PTGER3: variants seen among roughly 807,000 people sequenced by gnomAD.
PTGER3 encodes the protein prostaglandin E2 receptor EP3 subtype.
PTGER3 carries 22 observed loss-of-function variants against 34.7 expected under a neutral mutation model. The observed-to-expected ratio is 0.63, with a 90% confidence interval of 0.45 to 0.91. The LOEUF is 0.91. Among genes scored for constraint, PTGER3 ranks in the 40% least tolerant of loss-of-function variants. The probability of loss-of-function intolerance (pLI) is 0.00; values close to 1 mark genes in which losing one functional copy is unlikely to be tolerated. For synonymous variants in PTGER3, 241 were observed against 230.1 expected (o/e 1.05, Z -0.43); for missense variants, 468 against 519.4 (o/e 0.90, Z 0.96).
In PTGER3 at chr1:70,902,983, A is replaced by G. The variant is rs113775784; in HGVS notation, c.*24-50124T>C. On this transcript the variant is annotated intron_variant, in intron 4 of 4. Coordinates refer to the PTGER3 transcript ENST00000370931. Reference sequence around the variant, plus strand: ...ATTTGGAAAAAGAAACTTTGCATATATAATAGTTAAGATCTTGAGATGAAA... The same window carrying G: ...ATTTGGAAAAAGAAACTTTGCATATGTAATAGTTAAGATCTTGAGATGAAA... Among the ~76,000 whole-genome samples the G allele has an allele frequency of 9.1e-3, 1,391 of 152,314 alleles. 21 individuals carry two copies. The highest frequency in any genetic ancestry group is 0.032 in the African/African-American group (1,329 of 41,550).
intron 4 of PTGER3, among the ~76,000 whole-genome samples, chr1:70,941,020 A>G (rs1649710155): frequency 1.3e-5 from 2 of 152,222 alleles, no homozygotes; most frequent in African/African-American, 4.8e-5. Context: ...GTTATTTGCC[A>G]GCAAGATAGT....
At chr1:71,010,985 T>C (rs573535713) in intron 2 of PTGER3, 60 of 985,618 alleles carry the variant, frequency 6.1e-5, no homozygotes, top group Admixed American at 2.5e-4. Context: ...CAAATGAAAA[T>C]CTTCACAATA....
chr1:70,983,935 G>T (rs554086341), intron 2 of PTGER3, among the ~76,000 whole-genome samples: 1 of 152,104 alleles, frequency 6.6e-6, no homozygotes, highest in African/African-American at 2.4e-5. Flanking sequence ...TTCCTGAAAG[G>T]TCCTAGTCCC....
chr1:71,046,546 C>A (rs904803068), intron 1 of PTGER3, 135 bp downstream of exon 1: 2 of 1,108,588 alleles, frequency 1.8e-6, no homozygotes, highest in East Asian at 5.4e-5. Flanking sequence ...CAAGACCGCG[C>A]GGGCAGGAGG....
intron 4 of PTGER3, among the ~76,000 whole-genome samples, chr1:70,900,875 C>T (rs1039961539): frequency 5.9e-5 from 9 of 151,836 alleles, no homozygotes; most frequent in African/African-American, 1.7e-4. Context: ...CAGTGAGGGT[C>T]GGGACTTGAT....
intron 4 of PTGER3, among the ~76,000 whole-genome samples, chr1:70,938,361 C>A (rs1649432793): frequency 6.6e-6 from 1 of 151,726 alleles, no homozygotes; most frequent in African/African-American, 2.4e-5. Context: ...ACTAAAATTA[C>A]AATGATTTAT....
chr1:70,866,860 A>G (rs1646052867), intron 4 of PTGER3, among the ~76,000 whole-genome samples: 2 of 152,148 alleles, frequency 1.3e-5, no homozygotes, highest in South Asian at 4.1e-4. Flanking sequence ...GCATGCTCTT[A>G]CTTCTGGATC....
At chr1:71,038,061 T>C (rs1557766877) in intron 1 of PTGER3, among the ~76,000 whole-genome samples, 1 of 152,242 alleles carries the variant, frequency 6.6e-6, no homozygotes, top group Admixed American at 6.5e-5. Context: ...TGCTCCACTT[T>C]ACTGTCTTGT....
intron 4 of PTGER3, chr1:70,865,799 G>A: frequency 7.3e-7 from 1 of 1,366,842 alleles, no homozygotes; most frequent in Non-Finnish European, 9.8e-7. Flanking sequence ...GAACCTTGAA[G>A]GATCAATCAC....
chr1:70,880,321 C>T (rs1158937286), intron 4 of PTGER3, among the ~76,000 whole-genome samples: 1 of 151,710 alleles, frequency 6.6e-6, no homozygotes, highest in Non-Finnish European at 1.5e-5. Flanking sequence ...GATATTATTT[C>T]TCCTTTGCTT....
intron 2 of PTGER3, among the ~76,000 whole-genome samples, chr1:70,963,561 C>T (rs949947404): frequency 6.6e-6 from 1 of 152,198 alleles, no homozygotes; most frequent in African/African-American, 2.4e-5. Context: ...GCTGCCAAGG[C>T]CCAGGGCCTG....
chr1:71,012,559 C>T (rs1392137721), intron 1 of PTGER3, 75 bp from the exon 2 acceptor site: 189 of 1,330,270 alleles, frequency 1.4e-4, no homozygotes, highest in Non-Finnish European at 1.9e-4. Flanking sequence ...GTACTTTGCA[C>T]ATAGTTGGTT....
At chr1:70,899,882 A>G (rs1045111144) in intron 4 of PTGER3, among the ~76,000 whole-genome samples, 1 of 152,156 alleles carries the variant, frequency 6.6e-6, no homozygotes, top group Non-Finnish European at 1.5e-5. Context: ...ATTGTACTAT[A>G]TCCTTCAATG....
At chr1:70,930,392 A>G (rs979789151) in intron 4 of PTGER3, among the ~76,000 whole-genome samples, 3 of 152,128 alleles carry the variant, frequency 2.0e-5, no homozygotes, top group Non-Finnish European at 4.4e-5. Context: ...TCTAAATCAT[A>G]ATTGACATTA....
chr1:71,006,566 C>T, intron 2 of PTGER3: 1 of 982,806 alleles, frequency 1.0e-6, no homozygotes, highest in Non-Finnish European at 1.2e-6. Context: ...TTTATAAATG[C>T]ACTCTGTGTT....
At chr1:70,880,813 C>A (rs187828715) in intron 4 of PTGER3, among the ~76,000 whole-genome samples, 1 of 152,028 alleles carries the variant, frequency 6.6e-6, no homozygotes, top group African/African-American at 2.4e-5. Context: ...GTGACCTTCC[C>A]CTTCTCTCTA....
intron 1 of PTGER3, among the ~76,000 whole-genome samples, chr1:71,027,595 G>A (rs1430946313): frequency 3.3e-5 from 5 of 152,146 alleles, no homozygotes; most frequent in Non-Finnish European, 7.3e-5. Context: ...TCTCTAAAGA[G>A]ATGTATTGAC....
intron 4 of PTGER3, among the ~76,000 whole-genome samples, chr1:70,868,313 C>A (rs1354260341): frequency 6.6e-6 from 1 of 152,114 alleles, no homozygotes. Context: ...CTGAATACTT[C>A]TGCTACTTAT....
At chr1:70,917,327 A>G (rs1647196982) in intron 4 of PTGER3, among the ~76,000 whole-genome samples, 2 of 151,562 alleles carry the variant, frequency 1.3e-5, no homozygotes, top group Admixed American at 1.3e-4. Context: ...CACTTAATAT[A>G]ATGTCCTTCA....
Sources: allele counts gnomAD v4.1 joint callset (sites outside exome capture counted in the v4.1 genomes callset), GRCh38; gene constraint gnomAD v4.1.1; transcripts MANE v1.5; gene names NCBI Gene and HGNC (gene_info 2026-07-23, HGNC 2026-07-21).